The following NUDCD3 variants were observed in gnomAD, a reference collection of about 807,000 sequenced individuals.
NUDCD3 encodes NudC domain containing 3.
NUDCD3 carries 13 observed loss-of-function variants against 39.7 expected under a neutral mutation model. That is an observed-to-expected ratio of 0.33 (90% CI 0.21 to 0.52). The LOEUF (loss-of-function observed/expected upper bound fraction) is 0.52, where lower values mean the gene tolerates loss of function less well. Ranked by LOEUF, NUDCD3 falls within the 20% of genes least tolerant of loss-of-function variation. NUDCD3 has a pLI of 0.96. For synonymous variants in NUDCD3, 175 were observed against 172.4 expected (o/e 1.02, Z -0.12); for missense variants, 453 against 458.1 (o/e 0.99, Z 0.10).
At position 44,485,168 on chromosome 7, in the gene NUDCD3, T is replaced by G; in HGVS notation, c.309A>C (p.Ala103=). The G allele has an allele frequency of 6.2e-7, 1 of 1,614,212 alleles. No homozygotes were observed. The highest frequency in any genetic ancestry group is 8.5e-7 in the Non-Finnish European group (1 of 1,180,028). The change falls in exon 2 of 6, where the codon GCA becomes GCC. Residue 103 remains alanine, a synonymous_variant. Transcript: ENST00000355451. ...GAACTGGGACTGGCTCCTTCTCAGCTGCAGCAGCTGACACAGTCTTGGCCT... is the reference window on the plus strand; with the variant it reads ...GAACTGGGACTGGCTCCTTCTCAGCGGCAGCAGCTGACACAGTCTTGGCCT... The part of the protein sequence containing the change: ...EEEAKTVSAA[A]AEKEPVPVPV...
chr7:44,420,641 A>G (rs1799119540), intron 3 of NUDCD3, among the ~76,000 whole-genome samples: 1 of 152,258 alleles, frequency 6.6e-6, no homozygotes, highest in African/African-American at 2.4e-5. Flanking sequence ...ACAGACTAAC[A>G]GCAGATCTCT....
At chr7:44,418,130 G>A (rs559452963) in intron 3 of NUDCD3, among the ~76,000 whole-genome samples, 1 of 152,294 alleles carries the variant, frequency 6.6e-6, no homozygotes, top group South Asian at 2.1e-4. Flanking sequence ...AGAGGGAGTG[G>A]TCATGGAGTC....
chr7:44,425,259 T>C (rs560640417), intron 3 of NUDCD3, among the ~76,000 whole-genome samples: 4 of 152,064 alleles, frequency 2.6e-5, no homozygotes, highest in Admixed American at 1.3e-4. Context: ...TGTAAACCTA[T>C]GTAACAAACC....
chr7:44,482,821 G>A lies in NUDCD3; in HGVS notation c.509+2147C>T, dbSNP rs573342363. The stretch of plus-strand genomic sequence containing the variant: ...AGAAATCACAGAGATAATGGAATTA[G>A]CAGATAAAGACTTTAAACTATTGTA... On this transcript the variant is annotated intron_variant, in intron 2 of 5. Coordinates refer to ENST00000355451, the MANE Select transcript of NUDCD3 (RefSeq NM_015332.4). Among the ~76,000 whole-genome samples the A allele has an allele frequency of 1.1e-4, 16 of 152,248 alleles. 1 individual carries two copies. Among genetic ancestry groups the A allele is most frequent in the Admixed American group, 2.0e-4 (3 of 15,300 alleles).
chr7:44,403,530 C>G (rs1563166466), intron 4 of NUDCD3, among the ~76,000 whole-genome samples: 1 of 152,242 alleles, frequency 6.6e-6, no homozygotes, highest in Non-Finnish European at 1.5e-5. Context: ...GAATACACTC[C>G]TTTCGGTACC....
intron 2 of NUDCD3, among the ~76,000 whole-genome samples, chr7:44,477,396 T>C (rs1455016575): frequency 2.0e-5 from 3 of 152,218 alleles, no homozygotes; most frequent in Non-Finnish European, 4.4e-5. Context: ...TTTTCCTTCT[T>C]CTCTGTTAAA....
chr7:44,402,689 G>C (rs1161402589), intron 4 of NUDCD3: 13 of 456,602 alleles, frequency 2.8e-5, no homozygotes, highest in South Asian at 1.9e-4. Flanking sequence ...ATCGTGACCT[G>C]CTCCATGATC....
At chr7:44,463,421 G>A (rs1233140383) in intron 2 of NUDCD3, among the ~76,000 whole-genome samples, 1 of 152,202 alleles carries the variant, frequency 6.6e-6, no homozygotes, top group Non-Finnish European at 1.5e-5. Context: ...CACCAACAAT[G>A]TCTAGAGACC....
chr7:44,405,525 G>A (rs1184071501), intron 3 of NUDCD3, among the ~76,000 whole-genome samples: 1 of 152,180 alleles, frequency 6.6e-6, no homozygotes, highest in East Asian at 1.9e-4. Flanking sequence ...TATGCATTAA[G>A]AAGACACTGG....
chr7:44,392,265 G>C, intron 5 of NUDCD3, 32 bp downstream of exon 5: 3 of 1,603,928 alleles, frequency 1.9e-6, no homozygotes, highest in Non-Finnish European at 2.6e-6. Flanking sequence ...AGGGCCTAAA[G>C]GGTGGACTCT....
At chr7:44,453,290 T>C (rs939261504) in intron 2 of NUDCD3, among the ~76,000 whole-genome samples, 1 of 152,026 alleles carries the variant, frequency 6.6e-6, no homozygotes, top group African/African-American at 2.4e-5. Flanking sequence ...GAAGCAGAGG[T>C]TGCAGTGAGC....
At chr7:44,450,383 G>A (rs1323243436) in intron 2 of NUDCD3, among the ~76,000 whole-genome samples, 2 of 151,902 alleles carry the variant, frequency 1.3e-5, no homozygotes. Context: ...TCACCATGTT[G>A]GCAAGACTGG....
At chr7:44,408,833 G>A (rs907623854) in intron 3 of NUDCD3, among the ~76,000 whole-genome samples, 1 of 152,120 alleles carries the variant, frequency 6.6e-6, no homozygotes, top group African/African-American at 2.4e-5. Flanking sequence ...AGCAGCCATC[G>A]CTGGAGAAAA....
rs577866451 is a variant in NUDCD3 at position 44,417,367 on chromosome 7, A to G, written c.642+10204T>C. Among the ~76,000 whole-genome samples the G allele has an allele frequency of 5.3e-5, 8 of 152,342 alleles. No individual in the cohort carries two copies. The South Asian group carries it at 1.7e-3, about 32-fold the overall frequency. Reference sequence around the variant, plus strand: ...TCAACATCCCAGATAGTCAACAAGCATATCTGAGACACCATTTCCAGTGGG... The same window carrying G: ...TCAACATCCCAGATAGTCAACAAGCGTATCTGAGACACCATTTCCAGTGGG... On this transcript the variant is annotated intron_variant, in intron 3 of 5. Coordinates refer to ENST00000355451, the MANE Select transcript of NUDCD3 (RefSeq NM_015332.4).
chr7:44,404,043 A>G (rs1306693854), intron 4 of NUDCD3, among the ~76,000 whole-genome samples: 2 of 152,044 alleles, frequency 1.3e-5, no homozygotes, highest in Non-Finnish European at 2.9e-5. Flanking sequence ...CCTTAATCTC[A>G]CTGTCCTGAA....
intron 4 of NUDCD3, among the ~76,000 whole-genome samples, chr7:44,403,322 G>A (rs1344357892): frequency 6.6e-6 from 1 of 152,238 alleles, no homozygotes; most frequent in African/African-American, 2.4e-5. Flanking sequence ...AGGGCCTCAC[G>A]TAGGGCCTAA....
intron 2 of NUDCD3, among the ~76,000 whole-genome samples, chr7:44,431,750 G>A (rs1799368880): frequency 7.1e-6 from 1 of 141,174 alleles, no homozygotes; most frequent in South Asian, 2.2e-4. Context: ...TCGGCTCACT[G>A]CAACCTTCAC....
chr7:44,422,571 C>G (rs1022744404), intron 3 of NUDCD3, among the ~76,000 whole-genome samples: 3 of 152,168 alleles, frequency 2.0e-5, no homozygotes, highest in African/African-American at 7.2e-5. Context: ...TACACACCCT[C>G]CCAAGACTAA....
intron 2 of NUDCD3, chr7:44,468,362 A>AAG (rs1321447103): frequency 6.1e-6 from 8 of 1,315,964 alleles, no homozygotes. Flanking sequence ...AAAAAAAAAA[A>AAG]AAAAAAAAGA....
Sources: gnomAD v4.1 joint callset for allele counts (sites outside exome capture counted in the v4.1 genomes callset) on GRCh38, gnomAD v4.1.1 for gene constraint, MANE v1.5 for transcripts, NCBI Gene and HGNC (gene_info 2026-07-23, HGNC 2026-07-21) for gene names.